Variants in ADAMTSL1 observed in about 807,000 individuals in gnomAD.
ADAMTSL1 encodes ADAMTS-like protein 1.
A neutral mutation model predicts 201.8 loss-of-function variants in ADAMTSL1; 126 were observed. The observed-to-expected ratio is 0.62, with a 90% CI of 0.54 to 0.72. The LOEUF (loss-of-function observed/expected upper bound fraction) is 0.72, where lower values mean the gene tolerates loss of function less well. Ranked by LOEUF, ADAMTSL1 falls within the 30% of genes least tolerant of loss-of-function variation. The probability of loss-of-function intolerance (pLI) is 0.00; values close to 1 mark genes in which losing one functional copy is unlikely to be tolerated. For missense variants in ADAMTSL1, 2,679 were observed against 2,277.8 expected, an observed-to-expected ratio of 1.18 and a Z score of -3.59; for synonymous variants, 1,121 against 903.4, an observed-to-expected ratio of 1.24 and a Z score of -4.32.
chr9:18,264,533 G>A (rs960292812), intron 2 of ADAMTSL1, among the ~76,000 whole-genome samples: 2 of 152,138 alleles, frequency 1.3e-5, no homozygotes, highest in Admixed American at 6.5e-5. Context: ...AAAAGCCACA[G>A]GCACTGCCTC....
chr9:18,319,178 G>T (rs972139973), intron 2 of ADAMTSL1, among the ~76,000 whole-genome samples: 10 of 152,064 alleles, frequency 6.6e-5, no homozygotes, highest in Non-Finnish European at 1.3e-4. Flanking sequence ...GCCAGCCTGG[G>T]CAATAGAGTG....
intron 1 of ADAMTSL1, among the ~76,000 whole-genome samples, chr9:18,483,853 A>G (rs1193525367): frequency 6.6e-6 from 1 of 152,164 alleles, no homozygotes; most frequent in East Asian, 1.9e-4. Flanking sequence ...AAAACAAAAC[A>G]AAAAACTCAA....
At chr9:18,246,787 C>G (rs558937915) in intron 2 of ADAMTSL1, among the ~76,000 whole-genome samples, 40 of 152,202 alleles carry the variant, frequency 2.6e-4, no homozygotes, top group Admixed American at 2.3e-3. Context: ...CATACATAAC[C>G]ACGGCACCAC....
chr9:18,727,375 C>T (rs1026505834), intron 15 of ADAMTSL1, among the ~76,000 whole-genome samples: 30 of 152,258 alleles, frequency 2.0e-4, no homozygotes, highest in African/African-American at 7.0e-4. Context: ...CCAGAGCTCA[C>T]TGGCATCCAC....
At chr9:18,199,534 G>A (rs1187171578) in intron 2 of ADAMTSL1, among the ~76,000 whole-genome samples, 4 of 152,060 alleles carry the variant, frequency 2.6e-5, no homozygotes, top group African/African-American at 9.7e-5. Flanking sequence ...AGATTATGAA[G>A]TTATTTGTAT....
At chr9:18,897,549 C>G (rs886975526) in intron 26 of ADAMTSL1, among the ~76,000 whole-genome samples, 4 of 152,344 alleles carry the variant, frequency 2.6e-5, no homozygotes, top group African/African-American at 9.6e-5. Flanking sequence ...GCAGACTTCA[C>G]TGGTGATACA....
chr9:18,619,782 G>C (rs981461438), intron 4 of ADAMTSL1, among the ~76,000 whole-genome samples: 2 of 152,112 alleles, frequency 1.3e-5, no homozygotes, highest in Admixed American at 6.6e-5. Flanking sequence ...AATTCCTATA[G>C]TTTAAGGAGT....
chr9:18,779,028 C>G (rs1166682099), intron 19 of ADAMTSL1, among the ~76,000 whole-genome samples: 1 of 152,212 alleles, frequency 6.6e-6, no homozygotes, highest in African/African-American at 2.4e-5. Flanking sequence ...AGGAAAGAAG[C>G]CAGCATTTAT....
At chr9:18,313,806 T>A (rs1368054358) in intron 2 of ADAMTSL1, among the ~76,000 whole-genome samples, 3 of 152,206 alleles carry the variant, frequency 2.0e-5, no homozygotes, top group East Asian at 3.9e-4. Context: ...ACTGCAAAAG[T>A]ACAGGTAATG....
At chr9:18,337,766 A>G (rs1835303928) in intron 2 of ADAMTSL1, among the ~76,000 whole-genome samples, 1 of 152,186 alleles carries the variant, frequency 6.6e-6, no homozygotes, top group Non-Finnish European at 1.5e-5. Flanking sequence ...TTCATGGAGA[A>G]AATAAATTCC....
At chr9:18,049,217 A>C (rs1244019234) in intron 1 of ADAMTSL1, among the ~76,000 whole-genome samples, 4 of 152,198 alleles carry the variant, frequency 2.6e-5, no homozygotes, top group Non-Finnish European at 5.9e-5. Flanking sequence ...ATTCCCAGTT[A>C]CCATGGGTTA....
rs1587982623 is a variant in ADAMTSL1, at chr9:18,721,607, A to T, written c.1948A>T (p.Thr650Ser). 2 of 1,613,772 alleles carry T rather than the reference A, an allele frequency of 1.2e-6. No individual in the cohort carries two copies. The highest frequency in any genetic ancestry group is 1.3e-5 in the African/African-American group (1 of 74,900). ...GCCTGCTGAGGAGAACCTGTGCGTG[A>T]CCAGCCGCCGGCCCCCACAGCTCCT... is the stretch of plus-strand genomic sequence containing the variant. ...REPAEENLCV[T>S]SRRPPQLLKS... is the part of the protein sequence containing the mutation. The change falls in exon 15 of 29, where the codon ACC (threonine) becomes TCC (serine). Residue 650 changes from threonine (T) to serine (S), a missense_variant. Coordinates refer to ENST00000380548, the MANE Select transcript of ADAMTSL1 (RefSeq NM_001040272.6).
At position 18,196,503 on chromosome 9, in the gene ADAMTSL1, A is replaced by G. The variant is rs1829189967; in HGVS notation, c.207+32522A>G. On this transcript the variant is annotated intron_variant, in intron 2 of 29. Coordinates refer to the ADAMTSL1 transcript ENST00000680146. The stretch of plus-strand genomic sequence containing the variant: ...CCGGGATTCCTTGATGAAATTTGGG[A>G]AAAACTACCTGGTACGGCAGGGATG... Among the ~76,000 whole-genome samples, 4 of 152,160 alleles carry G rather than the reference A, an allele frequency of 2.6e-5. No homozygotes were observed. In the South Asian group the frequency reaches 8.3e-4, roughly 32 times the overall value.
chr9:18,798,057 T>G (rs113606567), intron 20 of ADAMTSL1, among the ~76,000 whole-genome samples: 4 of 151,246 alleles, frequency 2.6e-5, no homozygotes, highest in Non-Finnish European at 4.4e-5. Flanking sequence ...ACTGCAGGGG[T>G]TTTTTCCTGG....
chr9:18,534,656 T>C (rs1422373835), intron 3 of ADAMTSL1, among the ~76,000 whole-genome samples: 1 of 152,234 alleles, frequency 6.6e-6, no homozygotes. Context: ...GCTCCACCCC[T>C]GCAGCAGACT....
chr9:18,222,930 T>C (rs1287443172), intron 2 of ADAMTSL1, among the ~76,000 whole-genome samples: 2 of 152,062 alleles, frequency 1.3e-5, no homozygotes, highest in Non-Finnish European at 2.9e-5. Flanking sequence ...GCTGCCAGTG[T>C]AATTTTTGTA....
intron 1 of ADAMTSL1, among the ~76,000 whole-genome samples, chr9:18,034,314 T>C (rs2131615717): frequency 6.6e-6 from 1 of 152,228 alleles, no homozygotes; most frequent in African/African-American, 2.4e-5. Flanking sequence ...AACTCCTTTC[T>C]TTAAACATCA....
In ADAMTSL1 at chr9:18,504,868, C is replaced by G. The variant is rs144094882; in HGVS notation, c.103C>G (p.Leu35Val). 4.0e-4 allele frequency: 647 copies of G among 1,613,996 alleles called. 4 individuals carry two copies. The African/African-American group carries it at 7.8e-3, about 19-fold the overall frequency. Residue 35 changes from leucine to valine, a missense_variant, in exon 2 of 29, where the codon CTA (leucine) becomes GTA (valine). By Grantham distance (32) the Leu-to-Val change is conservative. Transcript: ENST00000380548. Reference protein sequence around the residue: ...TARSEEDRDGLWDAWGPWSEC... With the variant: ...TARSEEDRDGVWDAWGPWSEC... The stretch of plus-strand genomic sequence containing the variant: ...ACGCTCCGAGGAGGACCGGGACGGC[C>G]TATGGGATGCCTGGGGCCCATGGAG...
At chr9:18,847,989 G>A (rs931208296) in intron 23 of ADAMTSL1, among the ~76,000 whole-genome samples, 1 of 152,208 alleles carries the variant, frequency 6.6e-6, no homozygotes, top group African/African-American at 2.4e-5. Flanking sequence ...TAGTTTATTG[G>A]AAACCATGTG....
Sources: gnomAD v4.1 joint callset for allele counts (sites outside exome capture counted in the v4.1 genomes callset) on GRCh38, gnomAD v4.1.1 for gene constraint, MANE v1.5 for transcripts, NCBI Gene and HGNC (gene_info 2026-07-23, HGNC 2026-07-21) for gene names.